UBE2E2: variants seen among roughly 807,000 people sequenced by gnomAD.
UBE2E2 encodes the protein ubiquitin-conjugating enzyme E2 E2.
Under a neutral mutation model 24.7 loss-of-function variants are expected in UBE2E2, and 6 were observed. The observed-to-expected ratio is 0.24, with a 90% CI of 0.13 to 0.48. The LOEUF (loss-of-function observed/expected upper bound fraction) is 0.48, where lower values mean the gene tolerates loss of function less well. Ranked by LOEUF, UBE2E2 falls within the 20% of genes least tolerant of loss-of-function variation. UBE2E2 has a pLI of 0.99. For synonymous variants in UBE2E2, 104 were observed against 83.6 expected, an observed-to-expected ratio of 1.24 and a Z score of -1.33; for missense variants, 169 against 245.0, an observed-to-expected ratio of 0.69 and a Z score of 2.07.
chr3:23,430,444 G>A (rs2125399944), intron 3 of UBE2E2, among the ~76,000 whole-genome samples: 1 of 151,920 alleles, frequency 6.6e-6, no homozygotes, highest in Non-Finnish European at 1.5e-5. Context: ...ATCCATTAAA[G>A]TTTTTAGAAC....
rs183084903 is a variant in UBE2E2, at chr3:23,355,199, A to G, written c.227+137887A>G. Among the ~76,000 whole-genome samples the G allele has an allele frequency of 1.2e-3, 167 of 141,852 alleles. 4 individuals carry two copies. In the East Asian group the frequency reaches 0.032, roughly 28 times the overall value. The allele number at this position is 141,852 out of a possible 152,430, so 93.1% of individuals were successfully genotyped here. A position where few individuals can be genotyped will look rare whatever the true frequency, so the allele number is the denominator to read the frequency against. ...AACAGTGAGAACACATGGACACAGG[A>G]AGGGGAACCTCACACTCTGGGGACT... On this transcript the variant is annotated intron_variant, in intron 3 of 5. Coordinates refer to ENST00000396703, the MANE Select transcript of UBE2E2 (RefSeq NM_152653.4).
At chr3:23,525,872 C>A (rs540884454) in intron 4 of UBE2E2, among the ~76,000 whole-genome samples, 133 of 152,336 alleles carry the variant, frequency 8.7e-4, no homozygotes, top group African/African-American at 2.9e-3. Context: ...CTTCTTTTCT[C>A]AGCCTCTAAA....
chr3:23,258,015 G>A (rs1697783952), intron 3 of UBE2E2, among the ~76,000 whole-genome samples: 1 of 152,140 alleles, frequency 6.6e-6, no homozygotes, highest in East Asian at 1.9e-4. Flanking sequence ...AATGAGAAGA[G>A]ATGACAATAC....
chr3:23,285,917 A>G (rs1238889823), intron 3 of UBE2E2, among the ~76,000 whole-genome samples: 1 of 152,182 alleles, frequency 6.6e-6, no homozygotes, highest in East Asian at 1.9e-4. Flanking sequence ...AGCTGGTCTC[A>G]AATTCTTGAC....
chr3:23,577,491 GA>G (rs1297635413), intron 5 of UBE2E2, among the ~76,000 whole-genome samples: 1 of 152,118 alleles, frequency 6.6e-6, no homozygotes, highest in Non-Finnish European at 1.5e-5. Context: ...GGAAGCTGCA[GA>G]AAAAAAGTTG....
rs549843777 is a variant in UBE2E2, at chr3:23,203,388, C to G, written c.-85C>G. 288 of 985,638 alleles carry G rather than the reference C, an allele frequency of 2.9e-4. 2 individuals carry two copies. The African/African-American group carries it at 4.5e-3, about 15-fold the overall frequency. 61.1% of individuals were successfully genotyped at this position (985,638 alleles called of 1,614,324 possible). On this transcript the variant is annotated 5_prime_UTR_variant, in exon 1 of 6. Transcript: ENST00000396703. ...CGTCCCTGGGGCCTCCCCAGTCTCC[C>G]TCCCCCTCGCGCCTGGGCAGCTCTC...
At chr3:23,463,179 C>G (rs1206214371) in intron 3 of UBE2E2, among the ~76,000 whole-genome samples, 1 of 151,882 alleles carries the variant, frequency 6.6e-6, no homozygotes, top group East Asian at 1.9e-4. Flanking sequence ...TCTTTTTCCC[C>G]CTTAAAACAT....
chr3:23,209,348 G>A (rs1696251285), intron 2 of UBE2E2, among the ~76,000 whole-genome samples: 1 of 152,106 alleles, frequency 6.6e-6, no homozygotes, highest in South Asian at 2.1e-4. Flanking sequence ...ATTAGTCAGT[G>A]GATCCATCTT....
At chr3:23,258,665 G>A (rs1351444640) in intron 3 of UBE2E2, among the ~76,000 whole-genome samples, 4 of 151,942 alleles carry the variant, frequency 2.6e-5, no homozygotes, top group Non-Finnish European at 4.4e-5. Flanking sequence ...AGGCCGAGGC[G>A]GGCAGATCAC....
At chr3:23,580,386 G>C (rs1325310752) in intron 5 of UBE2E2, among the ~76,000 whole-genome samples, 1 of 152,168 alleles carries the variant, frequency 6.6e-6, no homozygotes, top group Non-Finnish European at 1.5e-5. Context: ...TCCACATTAA[G>C]GCAAGATCCT....
At chr3:23,492,541 A>AT (rs1699520571) in intron 3 of UBE2E2, among the ~76,000 whole-genome samples, 1 of 152,172 alleles carries the variant, frequency 6.6e-6, no homozygotes, top group Non-Finnish European at 1.5e-5. Context: ...GTATGATTAG[A>AT]TTTTTTAAAC....
chr3:23,283,483 C>G (rs1264355785), intron 3 of UBE2E2, among the ~76,000 whole-genome samples: 1 of 152,100 alleles, frequency 6.6e-6, no homozygotes, highest in East Asian at 1.9e-4. Context: ...GCCTGTAATC[C>G]CAGCACTTTG....
At chr3:23,549,179 T>A (rs1284567341) in intron 5 of UBE2E2, among the ~76,000 whole-genome samples, 1 of 152,244 alleles carries the variant, frequency 6.6e-6, no homozygotes, top group Non-Finnish European at 1.5e-5. Context: ...ATTTTGATGT[T>A]CTAAAGTTCT....
intron 3 of UBE2E2, among the ~76,000 whole-genome samples, chr3:23,438,566 G>A (rs551265972): frequency 6.6e-6 from 1 of 152,232 alleles, no homozygotes; most frequent in South Asian, 2.1e-4. Flanking sequence ...TTATTAGTTG[G>A]TCCTAAGTAA....
chr3:23,277,844 CAATAGTT>C (rs1235980523), intron 3 of UBE2E2, among the ~76,000 whole-genome samples: 1 of 151,988 alleles, frequency 6.6e-6, no homozygotes, highest in Non-Finnish European at 1.5e-5. Context: ...GGATAACAGT[CAATAGTT>C]AATTACATAA....
chr3:23,210,833 C>T (rs1165302902), intron 2 of UBE2E2, among the ~76,000 whole-genome samples: 3 of 152,116 alleles, frequency 2.0e-5, no homozygotes, highest in Non-Finnish European at 2.9e-5. Flanking sequence ...TCATGATCTT[C>T]CTCTAGAAAG....
chr3:23,329,576 C>CA (rs1695005080), intron 3 of UBE2E2, among the ~76,000 whole-genome samples: 1 of 152,162 alleles, frequency 6.6e-6, no homozygotes, highest in Admixed American at 6.5e-5. Context: ...TTATTGTTTC[C>CA]ATTGGTATGC....
At chr3:23,340,695 T>C (rs892749289) in intron 3 of UBE2E2, among the ~76,000 whole-genome samples, 2 of 152,148 alleles carry the variant, frequency 1.3e-5, no homozygotes, top group Non-Finnish European at 2.9e-5. Flanking sequence ...TAGAAATAAA[T>C]TTCCTGATGT....
chr3:23,356,066 A>G (rs1695940835), intron 3 of UBE2E2, among the ~76,000 whole-genome samples: 1 of 152,196 alleles, frequency 6.6e-6, no homozygotes, highest in African/African-American at 2.4e-5. Flanking sequence ...CTGGGCTTGG[A>G]AAAAGAAGAG....
Sources: gnomAD v4.1 joint callset for allele counts (sites outside exome capture counted in the v4.1 genomes callset) on GRCh38, gnomAD v4.1.1 for gene constraint, MANE v1.5 for transcripts, NCBI Gene and HGNC (gene_info 2026-07-23, HGNC 2026-07-21) for gene names.